BLTP1: variants seen among roughly 807,000 people sequenced by gnomAD.
The protein encoded by BLTP1 is fragile site-associated protein.
At chr4:122,266,174 G>T in the BLTP1 span, among the ~76,000 whole-genome samples, 1 of 152,170 alleles carries the variant, frequency 6.6e-6, no homozygotes, top group Non-Finnish European at 1.5e-5. Flanking sequence ...AACACATGTA[G>T]TTCTTTCTGT....
chr4:122,236,759 A>G, the BLTP1 span: 1 of 958,198 alleles, frequency 1.0e-6, no homozygotes, highest in Admixed American at 6.1e-5. Context: ...AACATTGAAG[A>G]AAGTAAAATT....
chr4:122,154,554 T>TA, the BLTP1 span: 7 of 883,998 alleles, frequency 7.9e-6, no homozygotes, highest in Non-Finnish European at 9.5e-6. Flanking sequence ...TTAATCTACC[T>TA]ATGTTTGTAA....
chr4:122,258,819 T>C, the BLTP1 span: 1 of 1,612,042 alleles, frequency 6.2e-7, no homozygotes, highest in Non-Finnish European at 8.5e-7. Flanking sequence ...CTCATACCCA[T>C]AGTGACTCTG....
the BLTP1 span, chr4:122,293,124 T>C: frequency 5.2e-6 from 5 of 967,076 alleles, no homozygotes; most frequent in African/African-American, 8.8e-5. Context: ...ATAGAGGATA[T>C]GATGCACTTA....
the BLTP1 span, chr4:122,236,897 G>A: frequency 1.0e-6 from 1 of 985,330 alleles, no homozygotes; most frequent in African/African-American, 1.7e-5. Flanking sequence ...ACGTACCTGA[G>A]TTTCTGATTG....
At chr4:122,318,053 T>C in the BLTP1 span, 4 of 1,310,218 alleles carry the variant, frequency 3.1e-6, no homozygotes, top group African/African-American at 4.5e-5. Context: ...TAATCATCTT[T>C]GGTATTCTGA....
At chr4:122,356,985 T>G in the BLTP1 span, 2 of 983,606 alleles carry the variant, frequency 2.0e-6, no homozygotes, top group Non-Finnish European at 1.2e-6. Context: ...CATTATCTTA[T>G]GTACATTTTC....
the BLTP1 span, chr4:122,249,955 A>G: frequency 3.1e-6 from 3 of 979,182 alleles, no homozygotes; most frequent in African/African-American, 3.5e-5. Flanking sequence ...AAGCCACCCA[A>G]TTTTTTGAAA....
At chr4:122,217,993 G>T in the BLTP1 span, among the ~76,000 whole-genome samples, 2 of 152,024 alleles carry the variant, frequency 1.3e-5, no homozygotes, top group African/African-American at 4.8e-5. Context: ...TTTCCAGTTT[G>T]TTCACCTAAA....
chr4:122,246,101 T>C, the BLTP1 span: 5 of 1,505,916 alleles, frequency 3.3e-6, no homozygotes, highest in Non-Finnish European at 4.4e-6. Context: ...TTGTGGATGA[T>C]GTGGAAGTTA....
the BLTP1 span, chr4:122,249,528 C>T: frequency 6.2e-7 from 1 of 1,613,502 alleles, no homozygotes; most frequent in Non-Finnish European, 8.5e-7. Flanking sequence ...TTGAGAAGTC[C>T]AAAGTTTTAT....
chr4:122,296,495 A>G, the BLTP1 span, among the ~76,000 whole-genome samples: 1 of 152,256 alleles, frequency 6.6e-6, no homozygotes, highest in Admixed American at 6.5e-5. Flanking sequence ...ATACTGCCCA[A>G]AGTAATTTAT....
the BLTP1 span, chr4:122,331,056 TAC>T: frequency 1.0e-6 from 1 of 966,986 alleles, no homozygotes; most frequent in Non-Finnish European, 1.2e-6. Flanking sequence ...TTTTCCAACA[TAC>T]ACAGTATATT....
chr4:122,272,165 C>T, the BLTP1 span: 15 of 1,611,800 alleles, frequency 9.3e-6, no homozygotes, highest in Middle Eastern at 1.7e-4. Flanking sequence ...TAAAGGAGTT[C>T]GGAGCCCTAC....
At chr4:122,212,377 C>T in the BLTP1 span, among the ~76,000 whole-genome samples, 1 of 152,038 alleles carries the variant, frequency 6.6e-6, no homozygotes, top group African/African-American at 2.4e-5. Flanking sequence ...AAATATGTCT[C>T]CCAATGTCTT....
chr4:122,255,020 A>T, the BLTP1 span: 1 of 1,502,934 alleles, frequency 6.7e-7, no homozygotes. Flanking sequence ...CCTTATTGTT[A>T]ATCATTATTG....
chr4:122,242,515 C>T, the BLTP1 span, among the ~76,000 whole-genome samples: 1 of 151,962 alleles, frequency 6.6e-6, no homozygotes, highest in Non-Finnish European at 1.5e-5. Flanking sequence ...TTATTTTTTG[C>T]CATTAAGTCT....
At chr4:122,152,986 G>A in the BLTP1 span, 1 of 985,292 alleles carries the variant, frequency 1.0e-6, no homozygotes, top group Non-Finnish European at 1.2e-6. Flanking sequence ...GACCGAGGGC[G>A]GGGAAGCCTT....
At chr4:122,305,783 GTT>G in the BLTP1 span, 1 of 1,368,320 alleles carries the variant, frequency 7.3e-7, no homozygotes, top group South Asian at 1.6e-5. Context: ...ATGTATTATA[GTT>G]TTTTTGGTGA....
Sources: allele counts gnomAD v4.1 joint callset (sites outside exome capture counted in the v4.1 genomes callset), GRCh38; gene constraint gnomAD v4.1.1; transcripts MANE v1.5; gene names NCBI Gene and HGNC (gene_info 2026-07-23, HGNC 2026-07-21).